Variants in DDHD1 observed in about 807,000 individuals in gnomAD.
DDHD1 encodes phospholipase DDHD1.
Under a neutral mutation model 96.4 loss-of-function variants are expected in DDHD1, and 49 were observed. The observed-to-expected ratio is 0.51, with a 90% CI of 0.40 to 0.64. DDHD1 has a LOEUF of 0.64. DDHD1 is among the 30% of genes least tolerant of loss of function. The pLI is 0.00. For synonymous variants in DDHD1, 442 were observed against 446.5 expected, an observed-to-expected ratio of 0.99 and a Z score of 0.13; for missense variants, 1,106 against 1,161.2, an observed-to-expected ratio of 0.95 and a Z score of 0.69.
intron 6 of DDHD1, among the ~76,000 whole-genome samples, chr14:53,066,840 G>A (rs1264457102): frequency 6.6e-6 from 1 of 151,412 alleles, no homozygotes; most frequent in Non-Finnish European, 1.5e-5. Flanking sequence ...ATTGGCTCGT[G>A]CCCGTAGTCC....
intron 1 of DDHD1, among the ~76,000 whole-genome samples, chr14:53,126,803 A>G (rs2139821326): frequency 6.6e-6 from 1 of 152,316 alleles, no homozygotes; most frequent in African/African-American, 2.4e-5. Context: ...ATGAAATTAA[A>G]GTTTTGAAAA....
intron 4 of DDHD1, among the ~76,000 whole-genome samples, 160 bp from the exon 5 acceptor site, chr14:53,074,007 T>C (rs1241579013): frequency 1.3e-5 from 2 of 152,090 alleles, no homozygotes; most frequent in African/African-American, 4.8e-5. Flanking sequence ...AAGTCTGCAA[T>C]ACTAGGATAC....
chr14:53,072,511 T>A, intron 6 of DDHD1, 86 bp downstream of exon 6: 1 of 692,106 alleles, frequency 1.4e-6, no homozygotes, highest in Non-Finnish European at 2.2e-6. Context: ...CTCATTTGCT[T>A]AAAAAAAACA....
Position 53,039,873 on chromosome 14 carries a change from T to C in DDHD1, c.*6895A>G, listed in dbSNP as rs1467525620. 2.0e-5 allele frequency: 3 copies of C among 152,368 alleles called. No homozygotes were observed. Among genetic ancestry groups the C allele is most frequent in the Non-Finnish European group, 4.4e-5 (3 of 68,174 alleles). 9.4% of individuals were successfully genotyped at this position (152,368 alleles called of 1,614,324 possible). A position where few individuals can be genotyped will look rare whatever the true frequency, so the allele number is the denominator to read the frequency against. ...AAATGTCTAAGCTGTCAGACTGTCA[T>C]GACCATGCACCAATCTCTTTCCTTT... On this transcript the variant is annotated 3_prime_UTR_variant, in exon 13 of 13. Transcript: ENST00000673822.
At chr14:53,132,450 C>T (rs1309313171) in intron 1 of DDHD1, among the ~76,000 whole-genome samples, 1 of 152,176 alleles carries the variant, frequency 6.6e-6, no homozygotes, top group Non-Finnish European at 1.5e-5. Flanking sequence ...CAGGCCCAAT[C>T]GCCAATCACT....
At chr14:53,094,049 C>T (rs1353885707) in intron 2 of DDHD1, among the ~76,000 whole-genome samples, 6 of 151,938 alleles carry the variant, frequency 3.9e-5, no homozygotes, top group Non-Finnish European at 5.9e-5. Flanking sequence ...TGGTGGCGGG[C>T]GCCTGTAGTC....
intron 1 of DDHD1, among the ~76,000 whole-genome samples, chr14:53,142,460 C>CAAAA (rs745636721): frequency 2.8e-5 from 2 of 72,070 alleles, no homozygotes; most frequent in Non-Finnish European, 6.2e-5. Context: ...GCCGGCATGG[C>CAAAA]AAAAAAAAAA....
intron 2 of DDHD1, among the ~76,000 whole-genome samples, chr14:53,098,598 A>T (rs1887063408): frequency 6.6e-6 from 1 of 152,116 alleles, no homozygotes; most frequent in African/African-American, 2.4e-5. Context: ...TATAAAAATT[A>T]AATAATAACT....
chr14:53,057,907 T>C (rs944153725), intron 9 of DDHD1, among the ~76,000 whole-genome samples: 7 of 152,244 alleles, frequency 4.6e-5, no homozygotes, highest in Admixed American at 3.3e-4. Flanking sequence ...TGGAGTGCAG[T>C]GGCACAATCT....
At chr14:53,147,455 A>G (rs527663976) in intron 1 of DDHD1, among the ~76,000 whole-genome samples, 1 of 152,350 alleles carries the variant, frequency 6.6e-6, no homozygotes, top group Admixed American at 6.5e-5. Context: ...CATTTTGGCC[A>G]TACGTAAGGT....
rs547082867 is a variant in DDHD1, at chr14:53,051,197, A to ATT, written c.2521+645_2521+646dup. On this transcript the variant is annotated intron_variant, in intron 12 of 12. Transcript: ENST00000673822. The stretch of plus-strand genomic sequence containing the variant: ...TGTTTTGTCAAAGACAAAATCCAGC[A>ATT]TTTTTTTTTTTAAAAGAGAAGCTGT... 2.3e-3 allele frequency among the ~76,000 whole-genome samples: 340 copies of ATT among 148,182 alleles called. 1 individual carries two copies. Among genetic ancestry groups the ATT allele is most frequent in the African/African-American group, 7.7e-3 (312 of 40,684 alleles).
chr14:53,110,583 A>G (rs962083630), intron 1 of DDHD1, among the ~76,000 whole-genome samples: 2 of 152,074 alleles, frequency 1.3e-5, no homozygotes, highest in Non-Finnish European at 2.9e-5. Flanking sequence ...GTCTGTCAGT[A>G]TTTTTCTTAA....
intron 6 of DDHD1, among the ~76,000 whole-genome samples, chr14:53,070,022 T>C (rs191382846): frequency 6.6e-6 from 1 of 152,318 alleles, no homozygotes; most frequent in East Asian, 1.9e-4. Flanking sequence ...TCTTTCCACA[T>C]ATAAGAGCAT....
At chr14:53,064,923 A>AT (rs969276096) in intron 6 of DDHD1, among the ~76,000 whole-genome samples, 1 of 151,934 alleles carries the variant, frequency 6.6e-6, no homozygotes, top group African/African-American at 2.4e-5. Context: ...TCTAATTGGA[A>AT]TTTTTTTTCC....
At chr14:53,135,359 C>T (rs926860319) in intron 1 of DDHD1, among the ~76,000 whole-genome samples, 28 of 152,208 alleles carry the variant, frequency 1.8e-4, no homozygotes, top group African/African-American at 2.9e-4. Flanking sequence ...ATATTCTCTA[C>T]GCCCTTGAGA....
intron 1 of DDHD1, among the ~76,000 whole-genome samples, chr14:53,131,539 C>T (rs1212991266): frequency 6.6e-6 from 1 of 152,144 alleles, no homozygotes; most frequent in Non-Finnish European, 1.5e-5. Flanking sequence ...TTCTGGATCT[C>T]AAACATGCTT....
In DDHD1 at chr14:53,071,863, G is replaced by A. The variant is rs1409511501; in HGVS notation, c.1503+734C>T. ...TATATTGTGAACACAGAAGAGAGAA[G>A]CAGTAAACAGAGTAAGCTGTGAAGC... On this transcript the variant is annotated intron_variant, in intron 6 of 12. Coordinates refer to ENST00000673822, the MANE Select transcript of DDHD1 (RefSeq NM_001160148.2). 2.0e-5 allele frequency among the ~76,000 whole-genome samples: 3 copies of A among 152,082 alleles called. No individual in the cohort carries two copies. In the East Asian group the frequency reaches 5.8e-4, roughly 29 times the overall value.
In DDHD1 at chr14:53,043,764, C is replaced by G. The variant is rs1219377817; in HGVS notation, c.*3004G>C. On this transcript the variant is annotated 3_prime_UTR_variant, in exon 13 of 13. Coordinates refer to ENST00000673822, the MANE Select transcript of DDHD1 (RefSeq NM_001160148.2). ...TATTTTTAAATTATGTCCTAAAACA[C>G]AGAAACACTGGATTATAAACAAGAT... The G allele has an allele frequency of 6.6e-6, 1 of 152,118 alleles. No homozygotes were observed. Among genetic ancestry groups the G allele is most frequent in the Non-Finnish European group, 1.5e-5 (1 of 68,020 alleles). The allele number at this position is 152,118 out of a possible 1,614,324, so 9.4% of individuals were successfully genotyped here.
At chr14:53,147,780 AG>A (rs1437910943) in intron 1 of DDHD1, among the ~76,000 whole-genome samples, 1 of 152,152 alleles carries the variant, frequency 6.6e-6, no homozygotes, top group Admixed American at 6.5e-5. Context: ...AAAGAGTAAA[AG>A]ATAAAAGTCT....
Sources: gnomAD v4.1 joint callset for allele counts (sites outside exome capture counted in the v4.1 genomes callset) on GRCh38, gnomAD v4.1.1 for gene constraint, MANE v1.5 for transcripts, NCBI Gene and HGNC (gene_info 2026-07-23, HGNC 2026-07-21) for gene names.